The following SLC16A7 variants were observed in gnomAD, a reference collection of about 807,000 sequenced individuals.
SLC16A7 encodes monocarboxylate transporter 2.
SLC16A7 carries 33 observed loss-of-function variants against 34.9 expected under a neutral mutation model. The ratio of observed to expected loss-of-function variants is 0.94; its 90% confidence interval spans 0.72 to 1.26. The LOEUF is 1.26. SLC16A7 is among the 50% of genes most tolerant of loss of function. The probability of loss-of-function intolerance (pLI) is 0.00; values close to 1 mark genes in which losing one functional copy is unlikely to be tolerated. For synonymous variants in SLC16A7, 201 were observed against 206.6 expected (o/e 0.97, Z 0.23); for missense variants, 573 against 578.1 (o/e 0.99, Z 0.09).
At chr12:59,619,693 T>C (rs990222311) in intron 1 of SLC16A7, among the ~76,000 whole-genome samples, 2 of 151,916 alleles carry the variant, frequency 1.3e-5, no homozygotes, top group Non-Finnish European at 2.9e-5. Flanking sequence ...GGCACTACAG[T>C]TGTGAGATAC....
At chr12:59,685,976 G>A (rs1378191331) in intron 2 of SLC16A7, among the ~76,000 whole-genome samples, 1 of 151,700 alleles carries the variant, frequency 6.6e-6, no homozygotes, top group Non-Finnish European at 1.5e-5. Context: ...AAAATTCTAA[G>A]CAGTCTTAAG....
intron 1 of SLC16A7, among the ~76,000 whole-genome samples, chr12:59,608,146 GTTTC>G (rs1278542205): frequency 6.6e-6 from 1 of 152,100 alleles, no homozygotes; most frequent in Non-Finnish European, 1.5e-5. Flanking sequence ...TCCTCTCTCT[GTTTC>G]TTTGTCACTT....
chr12:59,727,614 A>G (rs1434735751), intron 3 of SLC16A7, among the ~76,000 whole-genome samples: 1 of 152,200 alleles, frequency 6.6e-6, no homozygotes, highest in African/African-American at 2.4e-5. Flanking sequence ...CATCTAATTT[A>G]AGTTCTATAA....
At chr12:59,616,851 T>G (rs1463798686) in intron 1 of SLC16A7, among the ~76,000 whole-genome samples, 2 of 152,206 alleles carry the variant, frequency 1.3e-5, no homozygotes, top group African/African-American at 4.8e-5. Flanking sequence ...TAGAACTTAT[T>G]TCTATTATGG....
At chr12:59,670,514 G>T (rs547863770) in intron 2 of SLC16A7, among the ~76,000 whole-genome samples, 26 of 152,132 alleles carry the variant, frequency 1.7e-4, no homozygotes, top group African/African-American at 6.0e-4. Flanking sequence ...ATTCTTAAGT[G>T]CAAATTCTCT....
chr12:59,743,167 A>C (rs867303146), intron 3 of SLC16A7, among the ~76,000 whole-genome samples: 5 of 152,344 alleles, frequency 3.3e-5, no homozygotes, highest in Middle Eastern at 3.4e-3. Flanking sequence ...ATACTGTTTA[A>C]AAAGAGAAAT....
chr12:59,741,156 A>T (rs920362883), intron 3 of SLC16A7, among the ~76,000 whole-genome samples: 3 of 152,148 alleles, frequency 2.0e-5, no homozygotes, highest in Non-Finnish European at 4.4e-5. Context: ...TTATAGATTC[A>T]ATGCCATCCC....
intron 3 of SLC16A7, among the ~76,000 whole-genome samples, chr12:59,711,070 G>C (rs946284337): frequency 6.6e-6 from 1 of 152,148 alleles, no homozygotes; most frequent in African/African-American, 2.4e-5. Flanking sequence ...TATTCCCTAA[G>C]TTATACTTTG....
chr12:59,726,351 T>A (rs2706322), intron 3 of SLC16A7, among the ~76,000 whole-genome samples: 18,652 of 151,998 alleles, frequency 0.12, 1,501 homozygotes, highest in African/African-American at 0.22. Flanking sequence ...AAGCACAGAA[T>A]AAAGTTTTTA....
chr12:59,606,800 A>G (rs910456025), intron 1 of SLC16A7, among the ~76,000 whole-genome samples: 2 of 152,136 alleles, frequency 1.3e-5, no homozygotes, highest in African/African-American at 4.8e-5. Context: ...TCCAAAGGAG[A>G]CTGAAATTTT....
rs534957076 is a variant in SLC16A7, at chr12:59,658,272, A to G, written c.-31+3022A>G. ...TTCATTTTACAGTCTTACTTCTCCC[A>G]CACTTCACTAATTGGCATCTCATTT... On this transcript the variant is annotated intron_variant, in intron 2 of 5. Transcript: ENST00000547379. Among the ~76,000 whole-genome samples, 3 of 152,052 alleles carry G rather than the reference A, an allele frequency of 2.0e-5. No homozygotes were observed. The East Asian group carries it at 5.8e-4, about 30-fold the overall frequency.
chr12:59,704,000 G>A (rs978026547), intron 2 of SLC16A7, among the ~76,000 whole-genome samples: 6 of 151,424 alleles, frequency 4.0e-5, no homozygotes, highest in South Asian at 2.1e-4. Context: ...TCAGGAGTTC[G>A]AGACCAGCTT....
intron 1 of SLC16A7, among the ~76,000 whole-genome samples, chr12:59,603,054 C>T (rs1306208327): frequency 6.6e-6 from 1 of 152,168 alleles, no homozygotes; most frequent in Non-Finnish European, 1.5e-5. Flanking sequence ...CAGCAGTATT[C>T]TAGCCTAGAA....
chr12:59,775,100 G>A lies in SLC16A7; in HGVS notation c.805G>A (p.Ala269Thr). 1 of 1,614,006 alleles carries A rather than the reference G, an allele frequency of 6.2e-7. No homozygotes were observed. The highest frequency in any genetic ancestry group is 1.1e-5 in the South Asian group (1 of 91,082). Residue 269 changes from alanine to threonine, a missense_variant, in exon 5 of 6, where the codon GCT becomes ACT. By Grantham distance (58) the Ala-to-Thr change is moderately conservative. Coordinates refer to ENST00000547379, the MANE Select transcript of SLC16A7 (RefSeq NM_001270623.2). ...LGFFAPIIFL[A>T]PYAKDQGIDE... ...TTTTTTTGCCCCCATTATATTCTTG[G>A]CTCCATATGCTAAAGACCAAGGAAT...
chr12:59,753,095 C>T (rs1275757677), intron 3 of SLC16A7, among the ~76,000 whole-genome samples: 1 of 152,152 alleles, frequency 6.6e-6, no homozygotes, highest in Non-Finnish European at 1.5e-5. Flanking sequence ...TAAAAGACCT[C>T]CTGAAGGAAG....
chr12:59,752,190 C>A (rs1317003545), intron 3 of SLC16A7, among the ~76,000 whole-genome samples: 1 of 152,072 alleles, frequency 6.6e-6, no homozygotes, highest in Non-Finnish European at 1.5e-5. Context: ...CTCTAAAAAG[C>A]AGAGCACCTC....
intron 3 of SLC16A7, among the ~76,000 whole-genome samples, chr12:59,762,154 T>C (rs918964731): frequency 3.9e-5 from 6 of 152,108 alleles, no homozygotes; most frequent in Admixed American, 3.9e-4. Context: ...GTGAATTTTC[T>C]CTGTTTCTGG....
Position 59,785,350 on chromosome 12 carries a change from T to C in SLC16A7, c.*5671T>C, listed in dbSNP as rs1883533994. The C allele has an allele frequency of 1.3e-5, 2 of 152,196 alleles. No individual in the cohort carries two copies. Among genetic ancestry groups the C allele is most frequent in the East Asian group, 3.8e-4 (2 of 5,198 alleles). The allele number at this position is 152,196 out of a possible 1,614,324, so 9.4% of individuals were successfully genotyped here. A position where few individuals can be genotyped will look rare whatever the true frequency, so the allele number is the denominator to read the frequency against. ...TGCTTTTTCTTCACTTTAATTCATTTATGTGCAAATCAGGGAAGAATTGCT... is the reference window on the plus strand; with the variant it reads ...TGCTTTTTCTTCACTTTAATTCATTCATGTGCAAATCAGGGAAGAATTGCT... On this transcript the variant is annotated 3_prime_UTR_variant, in exon 6 of 6. Transcript: ENST00000547379.
At chr12:59,695,811 AT>A in intron 2 of SLC16A7, among the ~76,000 whole-genome samples, 1 of 152,194 alleles carries the variant, frequency 6.6e-6, no homozygotes, top group South Asian at 2.1e-4. Context: ...TCAGCACCAT[AT>A]TTAAATTGAA....
Sources: allele counts gnomAD v4.1 joint callset (sites outside exome capture counted in the v4.1 genomes callset), GRCh38; gene constraint gnomAD v4.1.1; transcripts MANE v1.5; gene names NCBI Gene and HGNC (gene_info 2026-07-23, HGNC 2026-07-21).